FOXO1: variants seen among roughly 807,000 people sequenced by gnomAD.
The protein encoded by FOXO1 is forkhead box protein O1.
FOXO1 carries 6 observed loss-of-function variants against 44.1 expected under a neutral mutation model. The ratio of observed to expected loss-of-function variants is 0.14; its 90% CI spans 0.07 to 0.27. The LOEUF is 0.27. Ranked by LOEUF, FOXO1 falls within the 10% of genes least tolerant of loss-of-function variation. The pLI is 1.00. For synonymous variants in FOXO1, 380 were observed against 362.7 expected, an observed-to-expected ratio of 1.05 and a Z score of -0.54; for missense variants, 737 against 888.8, an observed-to-expected ratio of 0.83 and a Z score of 2.17.
chr13:40,649,909 A>C (rs1285734054), intron 1 of FOXO1, among the ~76,000 whole-genome samples: 1 of 152,202 alleles, frequency 6.6e-6, no homozygotes, highest in Non-Finnish European at 1.5e-5. Context: ...CATTCAAACT[A>C]TTACAGGAAA....
chr13:40,641,129 C>T (rs1393178832), intron 1 of FOXO1, among the ~76,000 whole-genome samples: 1 of 152,126 alleles, frequency 6.6e-6, no homozygotes, highest in Non-Finnish European at 1.5e-5. Flanking sequence ...ACAACAAGGA[C>T]AAGTTTCCAT....
intron 1 of FOXO1, among the ~76,000 whole-genome samples, chr13:40,606,390 A>G (rs1876001104): frequency 6.6e-6 from 1 of 151,944 alleles, no homozygotes; most frequent in Admixed American, 6.6e-5. Flanking sequence ...GCTCACTGCA[A>G]CCTCTGCCTC....
chr13:40,598,207 G>A (rs563362668), intron 1 of FOXO1, among the ~76,000 whole-genome samples: 8 of 152,276 alleles, frequency 5.3e-5, no homozygotes, highest in Non-Finnish European at 7.4e-5. Flanking sequence ...ACAGAACACC[G>A]GCGAAACTGG....
chr13:40,579,890 T>C (rs548047383), intron 1 of FOXO1, among the ~76,000 whole-genome samples: 12 of 152,316 alleles, frequency 7.9e-5, no homozygotes, highest in Admixed American at 6.5e-4. Flanking sequence ...ACAGTGAACA[T>C]CAATCATGAC....
intron 1 of FOXO1, among the ~76,000 whole-genome samples, chr13:40,653,039 G>A (rs528038274): frequency 1.3e-5 from 2 of 151,672 alleles, no homozygotes; most frequent in East Asian, 3.9e-4. Context: ...GCACAATCTC[G>A]GCTCACTGTA....
In FOXO1 at chr13:40,557,277, T is replaced by G. The variant is rs1231185852; in HGVS notation, c.*1772A>C. ...TTGTGATGACTTTGGGCTTTCCACA[T>G]GACTTGAAAATACTGATGGACTAAA... On this transcript the variant is annotated 3_prime_UTR_variant, in exon 3 of 3. Coordinates refer to ENST00000379561, the MANE Select transcript of FOXO1 (RefSeq NM_002015.4). 6.6e-6 allele frequency: 1 copy of G among 152,236 alleles called. No individual in the cohort carries two copies. The highest frequency in any genetic ancestry group is 2.4e-5 in the African/African-American group (1 of 41,454). The allele number at this position is 152,236 out of a possible 1,614,324, so 9.4% of individuals were successfully genotyped here.
Position 40,666,116 on chromosome 13 carries a change from TA to T in FOXO1, c.96del (p.Phe32LeufsTer40). On this transcript the variant is annotated frameshift_variant, in exon 1 of 3. Coordinates refer to ENST00000379561, the MANE Select transcript of FOXO1 (RefSeq NM_002015.4). LOFTEE classifies it high-confidence loss of function. ...CTGGAGGTGGCCGAGTTGGACTGGC[TA>T]AACTCCGGCCTGGGCAGCGGCCAGG... ...SCTWPLPRPE[F>X]SQSNSATSSP... 2 of 1,440,122 alleles carry T rather than the reference TA, an allele frequency of 1.4e-6. No homozygotes were observed. The allele number at this position is 1,440,122 out of a possible 1,614,324, so 89.2% of individuals were successfully genotyped here. A position where few individuals can be genotyped will look rare whatever the true frequency, so the allele number is the denominator to read the frequency against.
intron 1 of FOXO1, among the ~76,000 whole-genome samples, chr13:40,581,101 G>A (rs1874939135): frequency 6.6e-6 from 1 of 152,230 alleles, no homozygotes; most frequent in African/African-American, 2.4e-5. Flanking sequence ...CTTGGAGACA[G>A]AAAGAGCTTT....
At chr13:40,613,397 A>G (rs1013402764) in intron 1 of FOXO1, among the ~76,000 whole-genome samples, 7 of 149,686 alleles carry the variant, frequency 4.7e-5, no homozygotes, top group Non-Finnish European at 7.4e-5. Context: ...AATCTAATCA[A>G]TTTTTATTTT....
At chr13:40,579,271 G>C (rs1387053553) in intron 1 of FOXO1, among the ~76,000 whole-genome samples, 1 of 152,206 alleles carries the variant, frequency 6.6e-6, no homozygotes, top group Non-Finnish European at 1.5e-5. Flanking sequence ...GAAAGCCCAG[G>C]TGTTCTGTGG....
At chr13:40,624,161 G>A (rs1014197828) in intron 1 of FOXO1, among the ~76,000 whole-genome samples, 5 of 151,384 alleles carry the variant, frequency 3.3e-5, no homozygotes, top group Admixed American at 1.3e-4. Context: ...AAGCCTAGAC[G>A]ACCCTCTGCA....
intron 1 of FOXO1, among the ~76,000 whole-genome samples, chr13:40,616,758 A>G (rs1162914748): frequency 1.3e-5 from 2 of 152,292 alleles, no homozygotes; most frequent in African/African-American, 4.8e-5. Context: ...TGGAGGGAAG[A>G]AGGCAGAATA....
intron 1 of FOXO1, among the ~76,000 whole-genome samples, chr13:40,586,028 C>CCCT (rs1875151174): frequency 6.6e-6 from 1 of 152,198 alleles, no homozygotes; most frequent in African/African-American, 2.4e-5. Flanking sequence ...TATATGGATT[C>CCCT]ATCTACCTGT....
intron 1 of FOXO1, among the ~76,000 whole-genome samples, chr13:40,611,608 T>C (rs1257495629): frequency 6.6e-6 from 1 of 152,196 alleles, no homozygotes; most frequent in East Asian, 1.9e-4. Flanking sequence ...CCTCCTCACC[T>C]GACTCTTCTT....
rs149486590 is a variant in FOXO1 at position 40,586,714 on chromosome 13, G to A, written c.631-25854C>T. 1.9e-3 allele frequency among the ~76,000 whole-genome samples: 293 copies of A among 152,280 alleles called. 1 individual carries two copies. The highest frequency in any genetic ancestry group is 6.9e-3 in the African/African-American group (285 of 41,564). On this transcript the variant is annotated intron_variant, in intron 1 of 2. Coordinates refer to ENST00000379561, the MANE Select transcript of FOXO1 (RefSeq NM_002015.4). Reference sequence around the variant, plus strand: ...ATGGAATGCTAAACCTCTACAGGGTGCAATCTTAAGGAAATGTTACTACTT... The same window carrying A: ...ATGGAATGCTAAACCTCTACAGGGTACAATCTTAAGGAAATGTTACTACTT...
chr13:40,629,637 C>G (rs898409745), intron 1 of FOXO1, among the ~76,000 whole-genome samples: 2 of 152,206 alleles, frequency 1.3e-5, no homozygotes, highest in African/African-American at 4.8e-5. Context: ...CTCCACTGAG[C>G]ATTTCCTTTG....
intron 1 of FOXO1, among the ~76,000 whole-genome samples, chr13:40,594,574 G>A (rs1057502416): frequency 5.9e-5 from 9 of 152,132 alleles, no homozygotes; most frequent in African/African-American, 2.2e-4. Flanking sequence ...CTTTCTGTGC[G>A]TTCACCTCAC....
At chr13:40,644,564 T>C (rs1023045355) in intron 1 of FOXO1, among the ~76,000 whole-genome samples, 33 of 152,134 alleles carry the variant, frequency 2.2e-4, no homozygotes, top group Non-Finnish European at 3.7e-4. Flanking sequence ...ATATACCAGG[T>C]CACACATACA....
chr13:40,577,061 C>A (rs1874777055), intron 1 of FOXO1, among the ~76,000 whole-genome samples: 1 of 152,204 alleles, frequency 6.6e-6, no homozygotes, highest in Non-Finnish European at 1.5e-5. Flanking sequence ...ATGCATTAGT[C>A]AGTACCCTGG....
Sources: allele counts gnomAD v4.1 joint callset (sites outside exome capture counted in the v4.1 genomes callset), GRCh38; gene constraint gnomAD v4.1.1; transcripts MANE v1.5; gene names NCBI Gene and HGNC (gene_info 2026-07-23, HGNC 2026-07-21).